CHODL: variants seen among roughly 807,000 people sequenced by gnomAD.
CHODL encodes transmembrane protein MT75.
CHODL carries 29 observed loss-of-function variants against 34.5 expected under a neutral mutation model. That is an observed-to-expected ratio of 0.84 (90% confidence interval 0.63 to 1.15). The LOEUF (loss-of-function observed/expected upper bound fraction) is 1.15. Among genes scored for constraint, CHODL ranks in the 50% most tolerant of loss-of-function variants. CHODL has a pLI of 0.00. For missense variants in CHODL, 332 were observed against 332.5 expected (o/e 1.00, Z 0.01); for synonymous variants, 125 against 116.1 (o/e 1.08, Z -0.49).
At chr21:18,204,491 G>A (rs1202149356) in intron 2 of CHODL, among the ~76,000 whole-genome samples, 1 of 152,064 alleles carries the variant, frequency 6.6e-6, no homozygotes, top group African/African-American at 2.4e-5. Context: ...TCATACCATA[G>A]GTCATACCAT....
At chr21:18,157,125 C>CG (rs2073043795) in intron 2 of CHODL, among the ~76,000 whole-genome samples, 1 of 152,206 alleles carries the variant, frequency 6.6e-6, no homozygotes, top group Non-Finnish European at 1.5e-5. Flanking sequence ...GAGTCACACA[C>CG]CTGCTTACAT....
chr21:18,228,700 G>A (rs1407996056), intron 2 of CHODL, among the ~76,000 whole-genome samples: 1 of 152,104 alleles, frequency 6.6e-6, no homozygotes, highest in Non-Finnish European at 1.5e-5. Context: ...CTTTCATTTA[G>A]ATTGATTGAT....
intron 2 of CHODL, among the ~76,000 whole-genome samples, chr21:18,138,631 C>T (rs1461946825): frequency 2.0e-5 from 3 of 152,102 alleles, no homozygotes; most frequent in Non-Finnish European, 2.9e-5. Flanking sequence ...GAGAATTTCA[C>T]GGATTGTAAA....
In CHODL at chr21:18,239,342, G is replaced by A. The variant is rs2074059399; in HGVS notation, c.-44-17167G>A. ...CATTATACACATGTATTTGGCATGT[G>A]AGCTACTTACGCTTAGAAACGATGT... On this transcript the variant is annotated intron_variant, in intron 2 of 6. Coordinates refer to the CHODL transcript ENST00000400127. 3.9e-5 allele frequency among the ~76,000 whole-genome samples: 6 copies of A among 152,146 alleles called. No individual in the cohort carries two copies. The South Asian group carries it at 1.2e-3, about 32-fold the overall frequency.
chr21:17,979,660 C>G (rs1394364377), intron 1 of CHODL, among the ~76,000 whole-genome samples: 1 of 152,180 alleles, frequency 6.6e-6, no homozygotes, highest in East Asian at 1.9e-4. Context: ...ATTGAAGGAG[C>G]AGACAGCAGT....
At chr21:18,233,764 C>A (rs558334783) in intron 2 of CHODL, among the ~76,000 whole-genome samples, 2 of 152,148 alleles carry the variant, frequency 1.3e-5, no homozygotes, top group East Asian at 3.9e-4. Flanking sequence ...TTTTCTTCTC[C>A]TCTAAAGAGC....
At chr21:18,237,982 A>T (rs1486035839) in intron 2 of CHODL, among the ~76,000 whole-genome samples, 1 of 152,144 alleles carries the variant, frequency 6.6e-6, no homozygotes, top group Non-Finnish European at 1.5e-5. Context: ...TAAATTATAG[A>T]TGCAGTCATA....
chr21:18,250,139 T>C (rs912056377), intron 1 of CHODL, among the ~76,000 whole-genome samples: 1 of 152,138 alleles, frequency 6.6e-6, no homozygotes, highest in African/African-American at 2.4e-5. Context: ...ATAACTGGTC[T>C]CATTATTTAA....
At chr21:18,242,143 G>A (rs779509197), upstream of CHODL, among the ~76,000 whole-genome samples, 58 of 151,938 alleles carry the variant, frequency 3.8e-4, no homozygotes, top group African/African-American at 9.4e-4. Flanking sequence ...GTCTCTTCTC[G>A]CTTGCCCTAG....
At chr21:18,036,801 C>A (rs1195483359) in intron 2 of CHODL, among the ~76,000 whole-genome samples, 1 of 151,768 alleles carries the variant, frequency 6.6e-6, no homozygotes, top group African/African-American at 2.4e-5. Flanking sequence ...GTAAAATTCC[C>A]ATAAAATAAT....
chr21:18,248,743 A>G (rs575917274), intron 1 of CHODL, among the ~76,000 whole-genome samples: 2 of 118,914 alleles, frequency 1.7e-5, no homozygotes, highest in African/African-American at 7.0e-5. Context: ...ATATATATGT[A>G]TAATATATAT....
chr21:18,112,908 G>A (rs1290183382), intron 2 of CHODL, among the ~76,000 whole-genome samples: 1 of 152,076 alleles, frequency 6.6e-6, no homozygotes. Flanking sequence ...AGCAAAAATG[G>A]ACAAATGAGA....
At chr21:18,090,491 G>A (rs1427835823) in intron 2 of CHODL, among the ~76,000 whole-genome samples, 1 of 152,018 alleles carries the variant, frequency 6.6e-6, no homozygotes, top group Non-Finnish European at 1.5e-5. Flanking sequence ...AGATATTTCA[G>A]GTAATAGAAG....
intron 2 of CHODL, among the ~76,000 whole-genome samples, chr21:18,053,421 A>G (rs1278662123): frequency 6.6e-6 from 1 of 151,938 alleles, no homozygotes; most frequent in Non-Finnish European, 1.5e-5. Flanking sequence ...GAGGTAGCCA[A>G]AACAGTTTTT....
At chr21:17,975,969 TAA>T (rs1491219332) in intron 1 of CHODL, among the ~76,000 whole-genome samples, 1 of 152,202 alleles carries the variant, frequency 6.6e-6, no homozygotes, top group Non-Finnish European at 1.5e-5. Flanking sequence ...AAATTTAATA[TAA>T]AGAGTTATAG....
At chr21:17,950,534 ACT>A (rs1491310050) in intron 1 of CHODL, among the ~76,000 whole-genome samples, 1 of 117,826 alleles carries the variant, frequency 8.5e-6, no homozygotes, top group African/African-American at 3.6e-5. Context: ...ACACACACAC[ACT>A]TCTTTAAAGC....
At chr21:18,089,176 G>C (rs971626070) in intron 2 of CHODL, among the ~76,000 whole-genome samples, 4 of 152,102 alleles carry the variant, frequency 2.6e-5, no homozygotes, top group Admixed American at 2.0e-4. Flanking sequence ...ATGTGCTTTA[G>C]CTAGTAAATA....
intron 1 of CHODL, among the ~76,000 whole-genome samples, chr21:17,941,615 A>G (rs2063364481): frequency 1.3e-5 from 2 of 152,300 alleles, no homozygotes; most frequent in Admixed American, 1.3e-4. Flanking sequence ...GAAACATGAC[A>G]TCAAATGAAT....
intron 1 of CHODL, among the ~76,000 whole-genome samples, chr21:17,928,187 C>T (rs1679781080): frequency 6.6e-6 from 1 of 152,172 alleles, no homozygotes. Context: ...AATCCCTATG[C>T]TAGTTTTGTT....
Sources: gnomAD v4.1 joint callset for allele counts (sites outside exome capture counted in the v4.1 genomes callset) on GRCh38, gnomAD v4.1.1 for gene constraint, MANE v1.5 for transcripts, NCBI Gene and HGNC (gene_info 2026-07-23, HGNC 2026-07-21) for gene names.